NCKAP5: variants seen among roughly 807,000 people sequenced by gnomAD.
The protein encoded by NCKAP5 is nck-associated protein 5.
In NCKAP5, 92 loss-of-function variants were observed where a neutral mutation model predicts 167.0. The ratio of observed to expected loss-of-function variants is 0.55; its 90% CI spans 0.47 to 0.66. The LOEUF (loss-of-function observed/expected upper bound fraction) is 0.66, where lower values mean the gene tolerates loss of function less well. NCKAP5 is among the 30% of genes least tolerant of loss of function. The probability of loss-of-function intolerance (pLI) is 0.00; values close to 1 mark genes in which losing one functional copy is unlikely to be tolerated. For missense variants in NCKAP5, 2,378 were observed against 2,315.0 expected, an observed-to-expected ratio of 1.03 and a Z score of -0.56; for synonymous variants, 891 against 877.4, an observed-to-expected ratio of 1.02 and a Z score of -0.27.
chr2:133,525,765 T>G (rs1684820168), intron 2 of NCKAP5, among the ~76,000 whole-genome samples: 1 of 152,090 alleles, frequency 6.6e-6, no homozygotes, highest in Non-Finnish European at 1.5e-5. Flanking sequence ...ACAAAGAAGT[T>G]TCCTCATCAC....
the NCKAP5 span, among the ~76,000 whole-genome samples, chr2:133,619,262 A>C: frequency 1.0e-4 from 13 of 128,188 alleles, no homozygotes; most frequent in African/African-American, 3.6e-4. Context: ...ATATGTAACT[A>C]ACCTGCACAT....
intron 3 of NCKAP5, among the ~76,000 whole-genome samples, chr2:133,462,866 G>C (rs1026211961): frequency 6.6e-6 from 1 of 152,180 alleles, no homozygotes; most frequent in Non-Finnish European, 1.5e-5. Flanking sequence ...GATTTACAAA[G>C]TCGTTTTCTG....
intron 4 of NCKAP5, among the ~76,000 whole-genome samples, chr2:133,280,309 T>C (rs1340560450): frequency 6.6e-6 from 1 of 152,234 alleles, no homozygotes; most frequent in Non-Finnish European, 1.5e-5. Flanking sequence ...AAGGGTGGTA[T>C]ATATTTAAAG....
At chr2:132,936,794 T>C (rs913073996) in intron 8 of NCKAP5, among the ~76,000 whole-genome samples, 2 of 152,216 alleles carry the variant, frequency 1.3e-5, no homozygotes, top group Non-Finnish European at 2.9e-5. Flanking sequence ...AGTTTCTATT[T>C]ACTTTCTAAA....
At chr2:132,843,345 A>C (rs1427818092) in intron 11 of NCKAP5, among the ~76,000 whole-genome samples, 1 of 152,032 alleles carries the variant, frequency 6.6e-6, no homozygotes, top group Non-Finnish European at 1.5e-5. Flanking sequence ...CTTACATTTA[A>C]GTTTTTGCTT....
chr2:133,566,074 C>A (rs1044433231), intron 1 of NCKAP5, among the ~76,000 whole-genome samples: 59 of 152,098 alleles, frequency 3.9e-4, no homozygotes, highest in Non-Finnish European at 8.5e-4. Flanking sequence ...GGCCCCCCGC[C>A]CCTAGGTAGG....
the NCKAP5 span, among the ~76,000 whole-genome samples, chr2:133,633,090 T>TA: frequency 2.0e-5 from 3 of 152,152 alleles, no homozygotes; most frequent in African/African-American, 7.2e-5. Flanking sequence ...TTTTCTCTGT[T>TA]ACATACCCAG....
At chr2:133,482,027 T>C (rs1421578938) in intron 3 of NCKAP5, among the ~76,000 whole-genome samples, 1 of 152,134 alleles carries the variant, frequency 6.6e-6, no homozygotes. Context: ...TTTCCACTCT[T>C]TACCTCCTTA....
chr2:133,292,525 T>G (rs1304210743), intron 4 of NCKAP5, among the ~76,000 whole-genome samples: 1 of 152,188 alleles, frequency 6.6e-6, no homozygotes, highest in Non-Finnish European at 1.5e-5. Context: ...ATAAATCACA[T>G]TAGGTTCCTG....
At chr2:133,538,410 T>C (rs569655053) in intron 2 of NCKAP5, among the ~76,000 whole-genome samples, 1 of 152,294 alleles carries the variant, frequency 6.6e-6, no homozygotes, top group Admixed American at 6.5e-5. Flanking sequence ...TTTGAAGGAT[T>C]CTTGATTATT....
chr2:133,468,651 C>G (rs1692793781), intron 3 of NCKAP5, among the ~76,000 whole-genome samples: 1 of 152,142 alleles, frequency 6.6e-6, no homozygotes, highest in Non-Finnish European at 1.5e-5. Flanking sequence ...ATCTAAGTCT[C>G]TTTGTAGGTC....
the NCKAP5 span, among the ~76,000 whole-genome samples, chr2:133,659,883 A>G: frequency 8.5e-5 from 13 of 152,290 alleles, no homozygotes; most frequent in East Asian, 2.3e-3. Context: ...ATGTTTTAAA[A>G]TGCATATTAT....
rs955398472 is a variant in NCKAP5, at chr2:133,234,610, T to C, written c.144-20831A>G. 5.3e-4 allele frequency among the ~76,000 whole-genome samples: 81 copies of C among 152,214 alleles called. 2 individuals are homozygous for C. The highest frequency in any genetic ancestry group is 2.7e-3 in the South Asian group (13 of 4,822). On this transcript the variant is annotated intron_variant, in intron 4 of 19. Coordinates refer to ENST00000409261, the MANE Select transcript of NCKAP5 (RefSeq NM_207363.3). ...GTGTGTCAGGAACAAAATATAAAACTGTTCGCAGATTTTCTGACTTTGACC... is the reference window on the plus strand; with the variant it reads ...GTGTGTCAGGAACAAAATATAAAACCGTTCGCAGATTTTCTGACTTTGACC...
chr2:133,387,148 C>A (rs1413914129), intron 3 of NCKAP5, among the ~76,000 whole-genome samples: 4 of 152,146 alleles, frequency 2.6e-5, no homozygotes, highest in Non-Finnish European at 5.9e-5. Flanking sequence ...ACTTGATGGT[C>A]TTTACAATTT....
intron 16 of NCKAP5, among the ~76,000 whole-genome samples, chr2:132,757,018 G>A (rs1195218400): frequency 6.6e-6 from 1 of 152,140 alleles, no homozygotes; most frequent in Non-Finnish European, 1.5e-5. Context: ...ATAGGTTTTA[G>A]CTACATAAGA....
intron 8 of NCKAP5, among the ~76,000 whole-genome samples, chr2:132,928,400 G>T (rs2149042115): frequency 6.6e-6 from 1 of 152,206 alleles, no homozygotes; most frequent in South Asian, 2.1e-4. Flanking sequence ...AATTGATGAG[G>T]TTTCCTTAAC....
At chr2:133,164,377 C>A (rs1050305590) in intron 5 of NCKAP5, among the ~76,000 whole-genome samples, 1 of 152,104 alleles carries the variant, frequency 6.6e-6, no homozygotes, top group Non-Finnish European at 1.5e-5. Flanking sequence ...GTGTTTGAAT[C>A]CTGGTTTTGA....
intron 8 of NCKAP5, among the ~76,000 whole-genome samples, chr2:132,960,897 G>A (rs979630951): frequency 3.3e-5 from 5 of 152,128 alleles, no homozygotes; most frequent in African/African-American, 7.2e-5. Context: ...AACACCAGGG[G>A]CCAAGAGATT....
intron 6 of NCKAP5, among the ~76,000 whole-genome samples, chr2:133,072,081 C>CTTTTTTTTTT (rs56234235): frequency 6.9e-6 from 1 of 145,046 alleles, no homozygotes; most frequent in African/African-American, 2.5e-5. Context: ...TTTATCCAGG[C>CTTTTTTTTTT]TTTTTTTTTT....
Sources: gnomAD v4.1 joint callset for allele counts (sites outside exome capture counted in the v4.1 genomes callset) on GRCh38, gnomAD v4.1.1 for gene constraint, MANE v1.5 for transcripts, NCBI Gene and HGNC (gene_info 2026-07-23, HGNC 2026-07-21) for gene names.